The following TRERF1 variants were observed in gnomAD, a reference collection of about 807,000 sequenced individuals.
TRERF1 encodes transcriptional regulating factor 1, also known as transcriptional-regulating factor 1.
TRERF1 carries 27 observed loss-of-function variants against 122.9 expected under a neutral mutation model. That is an observed-to-expected ratio of 0.22 (90% CI 0.16 to 0.30). TRERF1 has a LOEUF of 0.30. Among genes scored for constraint, TRERF1 ranks in the 10% least tolerant of loss-of-function variants. The pLI, the probability that TRERF1 is intolerant of heterozygous loss-of-function variation, is 1.00. For missense variants in TRERF1, 1,248 were observed against 1,560.3 expected (o/e 0.80, Z 3.37); for synonymous variants, 636 against 641.7 (o/e 0.99, Z 0.13).
chr6:42,342,340 C>T (rs1242256936), intron 3 of TRERF1, among the ~76,000 whole-genome samples: 1 of 152,102 alleles, frequency 6.6e-6, no homozygotes, highest in Admixed American at 6.5e-5. Flanking sequence ...TTTGGCTTGA[C>T]CTGGGGTCAA....
Position 42,393,585 on chromosome 6 carries a change from G to C in TRERF1, c.-453-30506C>G, listed in dbSNP as rs148749143. Reference sequence around the variant, plus strand: ...GAAACTAATGCAACCATTTAGTTCAGTGTGCTTCACCAGAGAATTTCTTTC... The same window carrying C: ...GAAACTAATGCAACCATTTAGTTCACTGTGCTTCACCAGAGAATTTCTTTC... On this transcript the variant is annotated intron_variant, in intron 2 of 17. Transcript: ENST00000372922. The surrounding 1 kb of genome is among the most constrained non-coding windows in gnomAD (Gnocchi z 4.1). Among the ~76,000 whole-genome samples the C allele has an allele frequency of 8.5e-5, 13 of 152,344 alleles. No homozygotes were observed. Among genetic ancestry groups the C allele is most frequent in the African/African-American group, 3.1e-4 (13 of 41,582 alleles).
At chr6:42,337,136 G>A (rs754119847) in intron 3 of TRERF1, among the ~76,000 whole-genome samples, 8 of 152,292 alleles carry the variant, frequency 5.3e-5, no homozygotes, top group Admixed American at 2.0e-4. Flanking sequence ...GAGCATGAAG[G>A]AGTTGGACAT....
chr6:42,431,415 A>G (rs1784490408), intron 2 of TRERF1, among the ~76,000 whole-genome samples: 1 of 152,180 alleles, frequency 6.6e-6, no homozygotes. Flanking sequence ...GCAGAAAGAA[A>G]AAGGAACTGA....
At position 42,258,129 on chromosome 6, in the gene TRERF1, C is replaced by A; in HGVS notation, c.2336+6G>T. On this transcript the variant is annotated splice_donor_region_variant and intron_variant, in intron 10 of 17. Coordinates refer to ENST00000372922, the Ensembl canonical transcript of TRERF1. ...CTGTTCTAAAGAGTAATTGACTTTT[C>A]CTTACGGTTCAACATCTACAGTCTG... 1.2e-6 allele frequency: 2 copies of A among 1,613,630 alleles called. No homozygotes were observed. The highest frequency in any genetic ancestry group is 8.5e-7 in the Non-Finnish European group (1 of 1,179,598).
intron 3 of TRERF1, among the ~76,000 whole-genome samples, chr6:42,360,461 G>A (rs983849403): frequency 6.6e-6 from 1 of 152,202 alleles, no homozygotes; most frequent in Non-Finnish European, 1.5e-5. Context: ...ATGTGTTTGG[G>A]AAGATCCTGC....
At chr6:42,434,624 C>CA (rs1334103946) in intron 2 of TRERF1, among the ~76,000 whole-genome samples, 17 of 150,080 alleles carry the variant, frequency 1.1e-4, no homozygotes, top group Non-Finnish European at 1.9e-4. Flanking sequence ...CATTTTCCGA[C>CA]AAACAAAAAC....
At chr6:42,346,638 A>T (rs1768347386) in intron 3 of TRERF1, among the ~76,000 whole-genome samples, 1 of 152,158 alleles carries the variant, frequency 6.6e-6, no homozygotes, top group Non-Finnish European at 1.5e-5. Flanking sequence ...AAGGAATTTC[A>T]AAAGATGGCT....
At chr6:42,256,860 T>A (rs1177786543) in intron 11 of TRERF1, 29 bp from the exon 12 acceptor site, 1 of 1,613,450 alleles carries the variant, frequency 6.2e-7, no homozygotes, top group Admixed American at 1.7e-5. Context: ...AGCCAATGCA[T>A]CAGAGAGAGC....
intron 2 of TRERF1, among the ~76,000 whole-genome samples, chr6:42,400,386 T>C (rs1048950698): frequency 3.3e-5 from 5 of 152,150 alleles, no homozygotes; most frequent in African/African-American, 1.2e-4. Flanking sequence ...CAAATATAAC[T>C]ATCCTGTGAG....
intron 2 of TRERF1, among the ~76,000 whole-genome samples, chr6:42,368,683 G>A (rs529711640): frequency 6.6e-6 from 1 of 152,276 alleles, no homozygotes; most frequent in Non-Finnish European, 1.5e-5. Flanking sequence ...CAAAATGAGG[G>A]AATGAGAAAT....
rs1381872922 is a variant in TRERF1, at chr6:42,228,755, G to A, written c.3279-86C>T. On this transcript the variant is annotated intron_variant, in intron 17 of 17. Transcript: ENST00000372922. The surrounding 1 kb of genome is among the most constrained non-coding windows in gnomAD (Gnocchi z 4.2). ...CAGGTGTCCTACGGGGAATGGGGGT[G>A]TGTGGTCTGACAAAGTCCCTGGCTG... 6.5e-6 allele frequency: 9 copies of A among 1,377,326 alleles called. No individual in the cohort carries two copies. The highest frequency in any genetic ancestry group is 8.8e-6 in the Non-Finnish European group (9 of 1,017,594). 85.3% of individuals were successfully genotyped at this position (1,377,326 alleles called of 1,614,324 possible).
chr6:42,355,140 GA>G (rs932814613), intron 3 of TRERF1, among the ~76,000 whole-genome samples: 1 of 152,168 alleles, frequency 6.6e-6, no homozygotes, highest in Non-Finnish European at 1.5e-5. Flanking sequence ...AAAACTTGAA[GA>G]GGTAACGAGT....
chr6:42,357,347 A>T (rs1025605571), intron 3 of TRERF1, among the ~76,000 whole-genome samples: 13 of 149,650 alleles, frequency 8.7e-5, no homozygotes, highest in African/African-American at 3.1e-4. Context: ...AAAAAAAAAA[A>T]AAAAAATCCA....
exon 18 of TRERF1, chr6:42,225,965 C>T (rs1390458176): frequency 6.6e-6 from 1 of 151,948 alleles, no homozygotes; most frequent in Admixed American, 6.6e-5. Flanking sequence ...AAGAAAAGAT[C>T]TTTGGGGTGG....
At chr6:42,398,205 T>C (rs572759235) in intron 2 of TRERF1, among the ~76,000 whole-genome samples, 2 of 152,276 alleles carry the variant, frequency 1.3e-5, no homozygotes, top group South Asian at 4.1e-4. Flanking sequence ...ATACACAAAA[T>C]ATTCAATAAA....
At chr6:42,266,917 T>C (rs1311948609) in intron 5 of TRERF1, among the ~76,000 whole-genome samples, 1 of 152,214 alleles carries the variant, frequency 6.6e-6, no homozygotes, top group Non-Finnish European at 1.5e-5. Context: ...CACTGCCTAA[T>C]GTCTCATACC....
intron 4 of TRERF1, among the ~76,000 whole-genome samples, chr6:42,280,763 GAGGAGGCCTGGA>G (rs1782168513): frequency 6.6e-6 from 1 of 152,190 alleles, no homozygotes; most frequent in Non-Finnish European, 1.5e-5. Flanking sequence ...AGGAGTGAGG[GAGGAGGCCTGGA>G]AGCCAATTAG....
At chr6:42,385,596 C>A (rs1320784927) in intron 2 of TRERF1, among the ~76,000 whole-genome samples, 3 of 152,130 alleles carry the variant, frequency 2.0e-5, no homozygotes, top group African/African-American at 4.8e-5. Flanking sequence ...CGAAACCTAT[C>A]GGGAGTGGCA....
intron 3 of TRERF1, among the ~76,000 whole-genome samples, chr6:42,322,605 A>G (rs1763630434): frequency 1.3e-5 from 2 of 152,172 alleles, no homozygotes; most frequent in Non-Finnish European, 2.9e-5. Flanking sequence ...GTTTAAATAA[A>G]AATAATTTAA....
Sources: gnomAD v4.1 joint callset for allele counts (sites outside exome capture counted in the v4.1 genomes callset) on GRCh38, gnomAD v4.1.1 for gene constraint, Gnocchi (gnomAD v3.1) non-coding constraint, MANE v1.5 for transcripts, NCBI Gene and HGNC (gene_info 2026-07-23, HGNC 2026-07-21) for gene names.